Variants in CYP19A1 observed in about 807,000 individuals in gnomAD.
CYP19A1 encodes cytochrome P450 family 19 subfamily A member 1.
Under a neutral mutation model 44.4 loss-of-function variants are expected in CYP19A1, and 32 were observed. The observed-to-expected ratio is 0.72, with a 90% CI of 0.54 to 0.97. The LOEUF is 0.97. Among genes scored for constraint, CYP19A1 ranks in the 50% least tolerant of loss-of-function variants. The pLI is 0.00. For missense variants in CYP19A1, 598 were observed against 637.8 expected (o/e 0.94, Z 0.67); for synonymous variants, 212 against 215.6 (o/e 0.98, Z 0.14).
intron 1 of CYP19A1, among the ~76,000 whole-genome samples, chr15:51,322,376 AAATT>A (rs1470593604): frequency 6.6e-6 from 1 of 152,256 alleles, no homozygotes; most frequent in African/African-American, 2.4e-5. Context: ...GACAATTAAT[AAATT>A]AATAGCGAGT....
At chr15:51,337,272 C>G (rs1486917039) in intron 1 of CYP19A1, among the ~76,000 whole-genome samples, 1 of 152,126 alleles carries the variant, frequency 6.6e-6, no homozygotes, top group Non-Finnish European at 1.5e-5. Context: ...ACTAAGATGT[C>G]GATTAACAGC....
chr15:51,241,724 G>T (rs1298800448), intron 2 of CYP19A1, among the ~76,000 whole-genome samples: 1 of 152,166 alleles, frequency 6.6e-6, no homozygotes, highest in African/African-American at 2.4e-5. Flanking sequence ...CTGTCAGGGA[G>T]CAGAGAACAA....
rs747316042 is a variant in CYP19A1, at chr15:51,242,922, C to T, written c.-10G>A. 3.1e-6 allele frequency: 5 copies of T among 1,604,256 alleles called. No individual in the cohort carries two copies. In the South Asian group the frequency reaches 5.5e-5, roughly 18 times the overall value. On this transcript the variant is annotated 5_prime_UTR_variant, in exon 2 of 10. Coordinates refer to ENST00000396402, the MANE Select transcript of CYP19A1 (RefSeq NM_000103.4). Reference sequence around the variant, plus strand: ...GCATTTCCAAAACCATCTTGTGTTCCTTGACCTCAGAGGGGGCAATTTAGA... The same window carrying T: ...GCATTTCCAAAACCATCTTGTGTTCTTTGACCTCAGAGGGGGCAATTTAGA...
chr15:51,294,439 A>G (rs1157666240), intron 1 of CYP19A1, among the ~76,000 whole-genome samples: 27 of 125,406 alleles, frequency 2.2e-4, no homozygotes, highest in African/African-American at 7.5e-4. Context: ...CCGCCTGGCA[A>G]CCGCCCCGTC....
chr15:51,214,040 C>A (rs925088365), intron 8 of CYP19A1, among the ~76,000 whole-genome samples: 1 of 152,192 alleles, frequency 6.6e-6, no homozygotes, highest in African/African-American at 2.4e-5. Context: ...CATATTTAAC[C>A]CTTCGATGAA....
At chr15:51,338,049 C>G (rs2036805542) in intron 1 of CYP19A1, 1 of 152,220 alleles carries the variant, frequency 6.6e-6, no homozygotes, top group African/African-American at 2.4e-5. Flanking sequence ...CCAAGAGGGG[C>G]AGCTTCTTGG....
At position 51,294,995 on chromosome 15, in the gene CYP19A1, T is replaced by TG. The variant is rs1263570805; in HGVS notation, c.-39+43499dup. 3.8e-4 allele frequency among the ~76,000 whole-genome samples: 51 copies of TG among 133,718 alleles called. 1 individual carries two copies. Among genetic ancestry groups the TG allele is most frequent in the Admixed American group, 2.0e-3 (29 of 14,458 alleles). The allele number at this position is 133,718 out of a possible 152,430, so 87.7% of individuals were successfully genotyped here. A position where few individuals can be genotyped will look rare whatever the true frequency, so the allele number is the denominator to read the frequency against. On this transcript the variant is annotated intron_variant, in intron 1 of 9. Coordinates refer to ENST00000396402, the MANE Select transcript of CYP19A1 (RefSeq NM_000103.4). ...TGTACTAAGAAAAATTCTTCTGCCT[T>TG]GGGGAAAAAAAAAAAAAGAATGCCT...
chr15:51,274,845 TGAA>T (rs1405235191), intron 1 of CYP19A1, among the ~76,000 whole-genome samples: 2 of 152,154 alleles, frequency 1.3e-5, no homozygotes, highest in African/African-American at 2.4e-5. Flanking sequence ...CAGGGGTATT[TGAA>T]GAAGAAAGAA....
intron 1 of CYP19A1, among the ~76,000 whole-genome samples, chr15:51,311,815 A>T (rs1281729840): frequency 1.3e-5 from 2 of 152,168 alleles, no homozygotes; most frequent in African/African-American, 4.8e-5. Flanking sequence ...GCTCACTGAC[A>T]TGTGTGAGGG....
At chr15:51,292,925 G>A (rs1035806132) in intron 1 of CYP19A1, among the ~76,000 whole-genome samples, 1 of 151,900 alleles carries the variant, frequency 6.6e-6, no homozygotes, top group African/African-American at 2.4e-5. Flanking sequence ...TGGCATTGAG[G>A]GGCATGTCTG....
intron 1 of CYP19A1, among the ~76,000 whole-genome samples, chr15:51,316,313 A>T (rs2036425633): frequency 6.6e-6 from 1 of 152,128 alleles, no homozygotes; most frequent in Non-Finnish European, 1.5e-5. Flanking sequence ...ACATAGCGAG[A>T]TCCTGTCTCT....
intron 4 of CYP19A1, among the ~76,000 whole-genome samples, chr15:51,223,763 C>A (rs1044818177): frequency 1.3e-5 from 2 of 152,124 alleles, no homozygotes; most frequent in African/African-American, 4.8e-5. Flanking sequence ...AAGGAGCAGG[C>A]TTTCTGACCA....
chr15:51,305,337 G>C (rs1232553382), intron 1 of CYP19A1, among the ~76,000 whole-genome samples: 1 of 152,204 alleles, frequency 6.6e-6, no homozygotes, highest in African/African-American at 2.4e-5. Context: ...GAGAAACTCA[G>C]CTAGCAGAGA....
chr15:51,250,510 A>C (rs1379306193), intron 1 of CYP19A1, among the ~76,000 whole-genome samples: 1 of 152,168 alleles, frequency 6.6e-6, no homozygotes, highest in Non-Finnish European at 1.5e-5. Flanking sequence ...TACCTAATCT[A>C]TTGTCTTCCC....
chr15:51,301,958 T>G (rs935974433), intron 1 of CYP19A1, among the ~76,000 whole-genome samples: 2 of 152,144 alleles, frequency 1.3e-5, no homozygotes. Flanking sequence ...CTCCACAAAA[T>G]GTAGAGCTGC....
intron 2 of CYP19A1, among the ~76,000 whole-genome samples, chr15:51,237,623 T>C (rs1484032753): frequency 1.3e-5 from 2 of 152,188 alleles, no homozygotes; most frequent in African/African-American, 4.8e-5. Flanking sequence ...TTAGGCAAAA[T>C]AAAGCTAAGA....
intron 1 of CYP19A1, among the ~76,000 whole-genome samples, chr15:51,251,718 T>C (rs1408080601): frequency 6.6e-6 from 1 of 152,162 alleles, no homozygotes; most frequent in Non-Finnish European, 1.5e-5. Context: ...TCCCAGCAAC[T>C]CAGTGGCCCA....
In CYP19A1 at chr15:51,212,159, G is replaced by A. The variant is rs2031058440; in HGVS notation, c.1263+161C>T. ...TGAAGGCTTGAGGATGAATACGGGA[G>A]CCCTGCTCCAAGCTAGGGGACGTGT... On this transcript the variant is annotated intron_variant, in intron 9 of 9. Transcript: ENST00000396402. 1.6e-5 allele frequency: 11 copies of A among 704,916 alleles called. No homozygotes were observed. In the South Asian group the frequency reaches 1.6e-4, roughly 10 times the overall value. 43.7% of individuals were successfully genotyped at this position (704,916 alleles called of 1,614,324 possible).
intron 5 of CYP19A1, among the ~76,000 whole-genome samples, chr15:51,219,089 G>A (rs1471380312): frequency 6.6e-6 from 1 of 152,160 alleles, no homozygotes; most frequent in Non-Finnish European, 1.5e-5. Context: ...AACTTCATTT[G>A]GTGCTGGGTA....
Sources: gnomAD v4.1 joint callset for allele counts (sites outside exome capture counted in the v4.1 genomes callset) on GRCh38, gnomAD v4.1.1 for gene constraint, MANE v1.5 for transcripts, NCBI Gene and HGNC (gene_info 2026-07-23, HGNC 2026-07-21) for gene names.